ADAMTSL1: variants seen among roughly 807,000 people sequenced by gnomAD.
The protein encoded by ADAMTSL1 is ADAMTS like 1.
A neutral mutation model predicts 201.8 loss-of-function variants in ADAMTSL1; 126 were observed. That is an observed-to-expected ratio of 0.62 (90% confidence interval 0.54 to 0.72). The LOEUF (loss-of-function observed/expected upper bound fraction) is 0.72, where lower values mean the gene tolerates loss of function less well. Among genes scored for constraint, ADAMTSL1 ranks in the 30% least tolerant of loss-of-function variants. The probability of loss-of-function intolerance (pLI) is 0.00; values close to 1 mark genes in which losing one functional copy is unlikely to be tolerated. For synonymous variants in ADAMTSL1, 1,121 were observed against 903.4 expected (o/e 1.24, Z -4.32); for missense variants, 2,679 against 2,277.8 (o/e 1.18, Z -3.59).
At chr9:17,997,202 A>C (rs1819418156) in intron 1 of ADAMTSL1, among the ~76,000 whole-genome samples, 1 of 152,150 alleles carries the variant, frequency 6.6e-6, no homozygotes, top group Admixed American at 6.6e-5. Context: ...CAATTGAATC[A>C]AAGCCACATG....
At chr9:18,273,974 C>T (rs993288367) in intron 2 of ADAMTSL1, among the ~76,000 whole-genome samples, 3 of 152,178 alleles carry the variant, frequency 2.0e-5, no homozygotes, top group African/African-American at 7.2e-5. Context: ...ATGCGTAAAT[C>T]CTGCTGCTGT....
intron 5 of ADAMTSL1, among the ~76,000 whole-genome samples, chr9:18,627,547 G>A (rs1587737909): frequency 6.6e-6 from 1 of 152,164 alleles, no homozygotes; most frequent in Non-Finnish European, 1.5e-5. Flanking sequence ...GAAGCATTGA[G>A]GGAGTATTTC....
intron 13 of ADAMTSL1, among the ~76,000 whole-genome samples, chr9:18,699,617 A>C (rs867398234): frequency 2.6e-5 from 4 of 152,198 alleles, no homozygotes; most frequent in Admixed American, 2.0e-4. Flanking sequence ...AGTGTGAGCC[A>C]TAGTGCCTGG....
intron 1 of ADAMTSL1, among the ~76,000 whole-genome samples, chr9:18,018,821 T>C (rs879150429): frequency 6.6e-6 from 1 of 152,074 alleles, no homozygotes; most frequent in Non-Finnish European, 1.5e-5. Context: ...TTTAAGGCAC[T>C]AAGTTTTGGG....
In ADAMTSL1 at chr9:18,657,756, G is replaced by A. The variant is rs371712616; in HGVS notation, c.946+6G>A. 5 of 1,606,874 alleles carry A rather than the reference G, an allele frequency of 3.1e-6. No individual in the cohort carries two copies. Among genetic ancestry groups the A allele is most frequent in the Non-Finnish European group, 4.3e-6 (5 of 1,173,398 alleles). On this transcript the variant is annotated splice_donor_region_variant and intron_variant, in intron 8 of 28. Transcript: ENST00000380548. ...CTCAGCAACCTGTGGAGGAGGTAAT[G>A]GTGTTCACTTAGTCTAAAAACTGTT...
intron 2 of ADAMTSL1, among the ~76,000 whole-genome samples, chr9:18,191,651 C>T (rs1489228421): frequency 2.0e-5 from 3 of 152,190 alleles, no homozygotes; most frequent in Admixed American, 6.5e-5. Context: ...GCTTAAAGTT[C>T]ACAGTTGCCA....
At chr9:18,163,370 A>G (rs1028702894) in intron 1 of ADAMTSL1, among the ~76,000 whole-genome samples, 1 of 152,032 alleles carries the variant, frequency 6.6e-6, no homozygotes, top group Non-Finnish European at 1.5e-5. Flanking sequence ...GCTAAAGTAC[A>G]TCTGGTTCTA....
chr9:18,176,755 T>C (rs180688579), intron 2 of ADAMTSL1, among the ~76,000 whole-genome samples: 1 of 152,216 alleles, frequency 6.6e-6, no homozygotes, highest in East Asian at 1.9e-4. Context: ...TTTCTAGGAG[T>C]TCAGAATGTT....
chr9:18,221,543 T>G lies in ADAMTSL1; in HGVS notation c.207+57562T>G, dbSNP rs529599948. Among the ~76,000 whole-genome samples, 94 of 152,232 alleles carry G rather than the reference T, an allele frequency of 6.2e-4. 1 individual carries two copies. Among genetic ancestry groups the G allele is most frequent in the South Asian group, 6.2e-4 (3 of 4,826 alleles). On this transcript the variant is annotated intron_variant, in intron 2 of 29. Transcript: ENST00000680146. ...GGATATATTTTCAGCCTTATTTTACTTTTTTTGAATGTAAGAGCTTGCCTA... is the reference window on the plus strand; with the variant it reads ...GGATATATTTTCAGCCTTATTTTACGTTTTTTGAATGTAAGAGCTTGCCTA...
chr9:18,479,154 G>A (rs559815218), intron 1 of ADAMTSL1, among the ~76,000 whole-genome samples: 8 of 152,066 alleles, frequency 5.3e-5, no homozygotes, highest in African/African-American at 1.4e-4. Flanking sequence ...CCCAATTCCC[G>A]AACTTCAAGA....
chr9:18,521,602 A>AAGATAC (rs1818694678), intron 2 of ADAMTSL1, among the ~76,000 whole-genome samples: 1 of 152,130 alleles, frequency 6.6e-6, no homozygotes, highest in Admixed American at 6.6e-5. Flanking sequence ...ATATATAATG[A>AAGATAC]AGATACAGTA....
intron 1 of ADAMTSL1, among the ~76,000 whole-genome samples, chr9:17,992,152 T>C (rs1472603389): frequency 1.3e-5 from 2 of 152,082 alleles, no homozygotes; most frequent in Non-Finnish European, 2.9e-5. Context: ...AAGAGACCCT[T>C]TTCCCACACC....
At chr9:18,254,502 A>G (rs1366336019) in intron 2 of ADAMTSL1, among the ~76,000 whole-genome samples, 1 of 151,646 alleles carries the variant, frequency 6.6e-6, no homozygotes, top group East Asian at 2.0e-4. Flanking sequence ...AGCTGGGACT[A>G]CAGGCTCCCG....
At chr9:17,918,338 A>AT (rs35657851) in intron 1 of ADAMTSL1, among the ~76,000 whole-genome samples, 106,518 of 150,016 alleles carry the variant, frequency 0.71, 38,224 homozygotes, top group East Asian at 0.93. Flanking sequence ...TTCTATATGT[A>AT]TTTTTTTTTC....
At chr9:18,684,898 G>C (rs1453078424) in intron 13 of ADAMTSL1, 98 bp downstream of exon 13, 2 of 1,457,782 alleles carry the variant, frequency 1.4e-6, no homozygotes, top group Non-Finnish European at 9.1e-7. Context: ...TCTGAACTAA[G>C]TGTAATCATC....
chr9:18,126,689 A>C (rs1158349990), intron 1 of ADAMTSL1, among the ~76,000 whole-genome samples: 1 of 152,230 alleles, frequency 6.6e-6, no homozygotes, highest in Non-Finnish European at 1.5e-5. Flanking sequence ...GTCGTTTGGC[A>C]CAGTAACACG....
At chr9:18,414,059 A>G (rs1818567101) in intron 2 of ADAMTSL1, among the ~76,000 whole-genome samples, 1 of 152,202 alleles carries the variant, frequency 6.6e-6, no homozygotes, top group Admixed American at 6.5e-5. Context: ...TGTTGGGTAC[A>G]GCTGGTATTT....
At chr9:18,136,089 A>G (rs1294154703) in intron 1 of ADAMTSL1, among the ~76,000 whole-genome samples, 7 of 152,168 alleles carry the variant, frequency 4.6e-5, no homozygotes, top group African/African-American at 1.7e-4. Context: ...CCTCAGTCAC[A>G]TAATACTGAT....
chr9:18,239,574 A>G (rs13292048), intron 2 of ADAMTSL1, among the ~76,000 whole-genome samples: 49,138 of 151,718 alleles, frequency 0.32, 8,132 homozygotes, highest in Admixed American at 0.4. Flanking sequence ...TCTGGTCTCT[A>G]CTGAAAATAG....
Sources: allele counts gnomAD v4.1 joint callset (sites outside exome capture counted in the v4.1 genomes callset), GRCh38; gene constraint gnomAD v4.1.1; transcripts MANE v1.5; gene names NCBI Gene and HGNC (gene_info 2026-07-23, HGNC 2026-07-21).